Variants in AMPH observed in about 807,000 individuals in gnomAD.
AMPH encodes amphiphysin.
AMPH carries 49 observed loss-of-function variants against 99.1 expected under a neutral mutation model. That is an observed-to-expected ratio of 0.49 (90% CI 0.39 to 0.63). The LOEUF (loss-of-function observed/expected upper bound fraction) is 0.63, where lower values mean the gene tolerates loss of function less well. AMPH is among the 20% of genes least tolerant of loss of function. The pLI, the probability that AMPH is intolerant of heterozygous loss-of-function variation, is 0.00. For missense variants in AMPH, 759 were observed against 863.4 expected, an observed-to-expected ratio of 0.88 and a Z score of 1.52; for synonymous variants, 314 against 317.3, an observed-to-expected ratio of 0.99 and a Z score of 0.11.
chr7:38,405,044 G>A (rs564816231), intron 17 of AMPH, among the ~76,000 whole-genome samples: 6 of 152,062 alleles, frequency 3.9e-5, no homozygotes, highest in South Asian at 4.2e-4. Context: ...GAAAAGATTC[G>A]GGGCCTATTT....
At chr7:38,522,469 G>A (rs375302118) in intron 2 of AMPH, among the ~76,000 whole-genome samples, 5 of 152,122 alleles carry the variant, frequency 3.3e-5, no homozygotes, top group Admixed American at 6.6e-5. Flanking sequence ...TGAGTATAGC[G>A]GGGAGACTCT....
intron 5 of AMPH, among the ~76,000 whole-genome samples, chr7:38,483,582 G>T (rs1420993766): frequency 6.6e-6 from 1 of 152,080 alleles, no homozygotes; most frequent in Non-Finnish European, 1.5e-5. Flanking sequence ...ATGCCTAGGG[G>T]GTGCTAAGAA....
In AMPH at chr7:38,441,851, CATATATATCATATATATCAT is replaced by C. The variant is rs1562757721; in HGVS notation, c.1018-5483_1018-5464del. The stretch of plus-strand genomic sequence containing the variant: ...CATATATATCATATATCATATATAT[CATATATATCATATATATCAT>C]ATATATATCATATACATACACACAC... On this transcript the variant is annotated intron_variant, in intron 11 of 20. Transcript: ENST00000356264. 8.1e-4 allele frequency among the ~76,000 whole-genome samples: 76 copies of C among 93,998 alleles called. 1 individual carries two copies. Among genetic ancestry groups the C allele is most frequent in the African/African-American group, 2.9e-3 (71 of 24,854 alleles). The allele number at this position is 93,998 out of a possible 152,430, so 61.7% of individuals were successfully genotyped here.
At chr7:38,513,056 C>T (rs1021006295) in intron 2 of AMPH, among the ~76,000 whole-genome samples, 3 of 152,146 alleles carry the variant, frequency 2.0e-5, no homozygotes, top group Admixed American at 1.3e-4. Flanking sequence ...TCTTTTGACA[C>T]CTACAGGTTT....
At chr7:38,581,016 G>A (rs1792434676) in intron 1 of AMPH, among the ~76,000 whole-genome samples, 1 of 152,020 alleles carries the variant, frequency 6.6e-6, no homozygotes, top group Non-Finnish European at 1.5e-5. Flanking sequence ...GACATAAAAT[G>A]GTCTACTTTC....
intron 3 of AMPH, among the ~76,000 whole-genome samples, chr7:38,502,315 C>A (rs1200699227): frequency 2.0e-5 from 3 of 152,172 alleles, no homozygotes; most frequent in Non-Finnish European, 4.4e-5. Context: ...TAGCACATTT[C>A]TTTGCACAGC....
intron 11 of AMPH, among the ~76,000 whole-genome samples, chr7:38,438,117 T>G (rs1786359613): frequency 6.6e-6 from 1 of 152,220 alleles, no homozygotes; most frequent in South Asian, 2.1e-4. Context: ...ATTTTTAAAA[T>G]GTAGTAAACA....
chr7:38,410,474 T>C (rs777208601), intron 17 of AMPH, among the ~76,000 whole-genome samples: 4 of 152,176 alleles, frequency 2.6e-5, no homozygotes, highest in Non-Finnish European at 5.9e-5. Context: ...GAACTGGCCA[T>C]GGCATTAGTA....
chr7:38,399,496 A>G (rs1267991157), intron 17 of AMPH, among the ~76,000 whole-genome samples: 2 of 152,272 alleles, frequency 1.3e-5, no homozygotes, highest in African/African-American at 4.8e-5. Flanking sequence ...TGTTAGCTGT[A>G]GATAAAATCA....
intron 1 of AMPH, among the ~76,000 whole-genome samples, chr7:38,600,881 G>C (rs1446242976): frequency 6.6e-6 from 1 of 152,182 alleles, no homozygotes; most frequent in Non-Finnish European, 1.5e-5. Context: ...GTTATAAAGT[G>C]ACAGGTACTA....
At chr7:38,476,807 C>A in intron 6 of AMPH, 55 bp downstream of exon 6, 10 of 1,344,782 alleles carry the variant, frequency 7.4e-6, no homozygotes, top group Non-Finnish European at 1.1e-5. Context: ...AAAAGTAAAG[C>A]TGCAACAGGT....
chr7:38,510,275 T>C (rs1789489211), intron 2 of AMPH, among the ~76,000 whole-genome samples: 1 of 152,096 alleles, frequency 6.6e-6, no homozygotes, highest in African/African-American at 2.4e-5. Context: ...TCCCTCTTCT[T>C]ATGAGGACAC....
chr7:38,489,829 T>C (rs1788653518), intron 5 of AMPH, among the ~76,000 whole-genome samples: 1 of 152,098 alleles, frequency 6.6e-6, no homozygotes, highest in Non-Finnish European at 1.5e-5. Flanking sequence ...TGCTAATTAA[T>C]GGGTATAAAA....
intron 17 of AMPH, among the ~76,000 whole-genome samples, chr7:38,406,743 T>TCC (rs1785015484): frequency 7.6e-6 from 1 of 131,254 alleles, no homozygotes; most frequent in Non-Finnish European, 1.6e-5. Flanking sequence ...TCTCTCTCTC[T>TCC]CTCTCTCTCT....
At chr7:38,439,216 T>A (rs886902256) in intron 11 of AMPH, among the ~76,000 whole-genome samples, 1 of 152,182 alleles carries the variant, frequency 6.6e-6, no homozygotes, top group Non-Finnish European at 1.5e-5. Context: ...CAATGAAACC[T>A]TTTTTTCTTT....
Position 38,554,206 on chromosome 7 carries a change from C to T in AMPH, c.70-19195G>A, listed in dbSNP as rs755329487. On this transcript the variant is annotated intron_variant, in intron 1 of 20. Transcript: ENST00000356264. The stretch of plus-strand genomic sequence containing the variant: ...GCCCATGAAGAATCTTGGATTTGTG[C>T]ACATTATGATTTCTGGTGGCTTCCC... 4.6e-5 allele frequency among the ~76,000 whole-genome samples: 7 copies of T among 152,206 alleles called. No homozygotes were observed. The South Asian group carries it at 1.2e-3, about 27-fold the overall frequency.
intron 18 of AMPH, among the ~76,000 whole-genome samples, 197 bp downstream of exon 18, chr7:38,393,808 T>C (rs1160750927): frequency 6.6e-6 from 1 of 152,234 alleles, no homozygotes; most frequent in Non-Finnish European, 1.5e-5. Flanking sequence ...AGGGCCTATA[T>C]GCAACATTGC....
intron 11 of AMPH, among the ~76,000 whole-genome samples, chr7:38,445,020 C>T (rs1211240110): frequency 0.023 from 2,968 of 129,982 alleles, 228 homozygotes; most frequent in African/African-American, 0.056. Flanking sequence ...TACACACACA[C>T]ACACGGTATA....
At chr7:38,594,052 G>A (rs1316953947) in intron 1 of AMPH, among the ~76,000 whole-genome samples, 1 of 152,170 alleles carries the variant, frequency 6.6e-6, no homozygotes, top group Non-Finnish European at 1.5e-5. Context: ...CATGCTGGTG[G>A]TCGTGTGGAG....
Sources: allele counts gnomAD v4.1 joint callset (sites outside exome capture counted in the v4.1 genomes callset), GRCh38; gene constraint gnomAD v4.1.1; transcripts MANE v1.5; gene names NCBI Gene and HGNC (gene_info 2026-07-23, HGNC 2026-07-21).